LMBR1: variants seen among roughly 807,000 people sequenced by gnomAD.
LMBR1 encodes the protein limb development membrane protein 1.
Under a neutral mutation model 73.9 loss-of-function variants are expected in LMBR1, and 52 were observed. The ratio of observed to expected loss-of-function variants is 0.70; its 90% CI spans 0.56 to 0.89. The LOEUF is 0.89. Among genes scored for constraint, LMBR1 ranks in the 40% least tolerant of loss-of-function variants. The probability of loss-of-function intolerance (pLI) is 0.00; values close to 1 mark genes in which losing one functional copy is unlikely to be tolerated. For missense variants in LMBR1, 539 were observed against 579.8 expected, an observed-to-expected ratio of 0.93 and a Z score of 0.72; for synonymous variants, 215 against 209.4, an observed-to-expected ratio of 1.03 and a Z score of -0.23.
chr7:156,842,344 G>C (rs1261485528), intron 1 of LMBR1, among the ~76,000 whole-genome samples: 1 of 141,930 alleles, frequency 7.0e-6, no homozygotes, highest in Admixed American at 7.1e-5. Flanking sequence ...TTTGTACAGG[G>C]GGAAGCGTAT....
chr7:156,736,692 C>G (rs1162674774), intron 9 of LMBR1: 1 of 417,738 alleles, frequency 2.4e-6, no homozygotes, highest in African/African-American at 2.0e-5. Flanking sequence ...GGCCATAATG[C>G]TCATTTTAGC....
intron 5 of LMBR1, among the ~76,000 whole-genome samples, chr7:156,771,182 A>G (rs890634145): frequency 3.9e-5 from 6 of 152,152 alleles, no homozygotes; most frequent in Non-Finnish European, 7.3e-5. Flanking sequence ...GAAAAACAAG[A>G]GCAAACCAAC....
intron 15 of LMBR1, among the ~76,000 whole-genome samples, chr7:156,691,354 A>G (rs10949598): frequency 0.038 from 5,835 of 152,294 alleles, 149 homozygotes; most frequent in Non-Finnish European, 0.044. Context: ...CAAACTGCAC[A>G]TCACCTCCCC....
In LMBR1 at chr7:156,726,313, T is replaced by TA. The variant is rs776256095; in HGVS notation, c.994-477dup. Among the ~76,000 whole-genome samples, 109 of 152,204 alleles carry TA rather than the reference T, an allele frequency of 7.2e-4. 4 individuals carry two copies. The highest frequency in any genetic ancestry group is 2.6e-4 in the Non-Finnish European group (18 of 68,024). On this transcript the variant is annotated intron_variant, in intron 12 of 16. Transcript: ENST00000353442. ...AGTAAATGTGCATATCCTGTTCCCA[T>TA]ACCTGAAAGTTTCCTTTGCCCAAAT...
At chr7:156,885,827 G>A (rs756011275) in intron 1 of LMBR1, among the ~76,000 whole-genome samples, 1 of 151,942 alleles carries the variant, frequency 6.6e-6, no homozygotes, top group Non-Finnish European at 1.5e-5. Flanking sequence ...ATCGTGAGCC[G>A]AGATTGTGCC....
intron 9 of LMBR1, 140 bp from the exon 10 acceptor site, chr7:156,734,397 G>T (rs1294857748): frequency 5.5e-6 from 3 of 540,602 alleles, no homozygotes; most frequent in Non-Finnish European, 9.8e-6. Flanking sequence ...GTGATTCAGA[G>T]GAAAGCACAT....
At chr7:156,718,937 T>C (rs968299105) in intron 15 of LMBR1, among the ~76,000 whole-genome samples, 1 of 151,998 alleles carries the variant, frequency 6.6e-6, no homozygotes, top group Non-Finnish European at 1.5e-5. Flanking sequence ...GTAAAACTAC[T>C]AGAAGAAAAC....
chr7:156,880,473 T>G (rs12539989), intron 1 of LMBR1, among the ~76,000 whole-genome samples: 1 of 151,542 alleles, frequency 6.6e-6, no homozygotes, highest in African/African-American at 2.4e-5. Context: ...AACCAAAAAC[T>G]ACCTGTTTCC....
intron 15 of LMBR1, among the ~76,000 whole-genome samples, chr7:156,691,435 T>C (rs961733926): frequency 1.3e-5 from 2 of 152,186 alleles, no homozygotes; most frequent in African/African-American, 4.8e-5. Flanking sequence ...TTCATACCTA[T>C]AAAAGAATTA....
chr7:156,677,319 A>G (rs1169071053), downstream of LMBR1, among the ~76,000 whole-genome samples: 2 of 152,056 alleles, frequency 1.3e-5, no homozygotes, highest in African/African-American at 4.8e-5. Context: ...ATAAAGCCCC[A>G]ACTCTCAGTG....
At chr7:156,750,382 G>A (rs544968341) in intron 9 of LMBR1, among the ~76,000 whole-genome samples, 2 of 152,200 alleles carry the variant, frequency 1.3e-5, no homozygotes, top group African/African-American at 4.8e-5. Context: ...GGGACTTTCT[G>A]TTGGGCTACT....
chr7:156,706,888 C>CA (rs555891047), intron 15 of LMBR1, among the ~76,000 whole-genome samples: 5,476 of 133,834 alleles, frequency 0.041, 140 homozygotes, highest in Non-Finnish European at 0.054. Context: ...AGAGCAGAAC[C>CA]AAAAAAAAAA....
chr7:156,839,855 G>A (rs977270750), intron 1 of LMBR1, among the ~76,000 whole-genome samples: 3 of 152,180 alleles, frequency 2.0e-5, no homozygotes, highest in African/African-American at 4.8e-5. Context: ...CAACAGCATC[G>A]CTACCTTCTC....
intron 1 of LMBR1, among the ~76,000 whole-genome samples, chr7:156,878,825 C>T (rs889404669): frequency 1.8e-4 from 27 of 152,216 alleles, no homozygotes; most frequent in African/African-American, 4.6e-4. Flanking sequence ...CCGTAGTCTC[C>T]GAAACAGCAT....
intron 4 of LMBR1, among the ~76,000 whole-genome samples, chr7:156,821,983 G>T (rs1366072231): frequency 6.6e-6 from 1 of 152,210 alleles, no homozygotes; most frequent in African/African-American, 2.4e-5. Context: ...ACACGAACAT[G>T]TTTATACACA....
chr7:156,766,047 T>C (rs571909183), intron 5 of LMBR1, among the ~76,000 whole-genome samples: 11 of 152,254 alleles, frequency 7.2e-5, no homozygotes, highest in African/African-American at 2.6e-4. Context: ...TAGACTTCCT[T>C]TGATATTCTG....
Position 156,729,199 on chromosome 7 carries a change from C to T in LMBR1, c.839-479G>A, listed in dbSNP as rs189692856. ...CATTAAACACCTCAATCCTGTGATG[C>T]GTAAATTTCAGCTCTGTGAAGACAT... On this transcript the variant is annotated intron_variant, in intron 10 of 16. Transcript: ENST00000353442. 4.1e-3 allele frequency among the ~76,000 whole-genome samples: 627 copies of T among 152,108 alleles called. 2 individuals carry two copies. Among genetic ancestry groups the T allele is most frequent in the Non-Finnish European group, 5.6e-3 (380 of 68,004 alleles).
Position 156,682,618 on chromosome 7 carries a change from A to AG in LMBR1, c.*1459dup, listed in dbSNP as rs1303677246. ...GGAAGGAAATGCAGACGTATAAATA[A>AG]GGGGGAAGTGTACTCAACAAAGGTT... On this transcript the variant is annotated 3_prime_UTR_variant, in exon 17 of 17. Transcript: ENST00000353442. The AG allele has an allele frequency of 6.6e-6, 1 of 152,228 alleles. No homozygotes were observed. The highest frequency in any genetic ancestry group is 1.5e-5 in the Non-Finnish European group (1 of 68,028). The allele number at this position is 152,228 out of a possible 1,614,324, so 9.4% of individuals were successfully genotyped here.
intron 2 of LMBR1, among the ~76,000 whole-genome samples, chr7:156,835,133 G>T (rs1254849920): frequency 6.6e-6 from 1 of 151,800 alleles, no homozygotes; most frequent in Non-Finnish European, 1.5e-5. Context: ...GGCGAGACTT[G>T]TCTCAAAACA....
Sources: gnomAD v4.1 joint callset for allele counts (sites outside exome capture counted in the v4.1 genomes callset) on GRCh38, gnomAD v4.1.1 for gene constraint, MANE v1.5 for transcripts, NCBI Gene and HGNC (gene_info 2026-07-23, HGNC 2026-07-21) for gene names.